The following HHAT variants were observed in gnomAD, a reference collection of about 807,000 sequenced individuals.
The protein encoded by HHAT is hedgehog acyltransferase.
HHAT carries 47 observed loss-of-function variants against 70.8 expected under a neutral mutation model. The observed-to-expected ratio is 0.66, with a 90% CI of 0.53 to 0.85. The LOEUF (loss-of-function observed/expected upper bound fraction) is 0.85. Among genes scored for constraint, HHAT ranks in the 40% least tolerant of loss-of-function variants. The pLI, the probability that HHAT is intolerant of heterozygous loss-of-function variation, is 0.00. For synonymous variants in HHAT, 228 were observed against 247.6 expected (o/e 0.92, Z 0.74); for missense variants, 609 against 604.8 (o/e 1.01, Z -0.07).
At chr1:210,337,245 C>T (rs1028180382) in intron 1 of HHAT, among the ~76,000 whole-genome samples, 6 of 152,124 alleles carry the variant, frequency 3.9e-5, no homozygotes, top group African/African-American at 1.4e-4. Flanking sequence ...AAAAACTTTT[C>T]TTCCAATTTA....
At chr1:210,530,096 T>C (rs1465110632) in intron 9 of HHAT, among the ~76,000 whole-genome samples, 1 of 152,190 alleles carries the variant, frequency 6.6e-6, no homozygotes, top group Non-Finnish European at 1.5e-5. Flanking sequence ...ATGTTTCTGC[T>C]ATGATGCAGG....
At chr1:210,479,417 T>C (rs1572723560) in intron 8 of HHAT, among the ~76,000 whole-genome samples, 1 of 152,222 alleles carries the variant, frequency 6.6e-6, no homozygotes, top group Admixed American at 6.5e-5. Flanking sequence ...TGAGTCTCCA[T>C]AGCCCCTGAA....
At chr1:210,581,448 GA>G (rs1411899678) in intron 9 of HHAT, among the ~76,000 whole-genome samples, 2 of 152,208 alleles carry the variant, frequency 1.3e-5, no homozygotes, top group Non-Finnish European at 2.9e-5. Flanking sequence ...GCTCTGTAGA[GA>G]AGAGAAACCT....
chr1:210,531,943 G>A (rs775360201), intron 9 of HHAT, among the ~76,000 whole-genome samples: 1 of 152,162 alleles, frequency 6.6e-6, no homozygotes, highest in Non-Finnish European at 1.5e-5. Flanking sequence ...TGATTCCTGG[G>A]TACTTGCAAG....
intron 9 of HHAT, among the ~76,000 whole-genome samples, chr1:210,582,605 G>T (rs1045731687): frequency 2.6e-5 from 4 of 152,142 alleles, no homozygotes; most frequent in Admixed American, 6.5e-5. Flanking sequence ...CCACTGTAGG[G>T]CGTATATTTG....
At chr1:210,380,759 A>G (rs1285899019) in intron 3 of HHAT, among the ~76,000 whole-genome samples, 1 of 151,974 alleles carries the variant, frequency 6.6e-6, no homozygotes, top group Non-Finnish European at 1.5e-5. Flanking sequence ...GGTTTTTCCA[A>G]ATAGAGGGAG....
At chr1:210,557,694 T>C (rs2095585214) in intron 9 of HHAT, among the ~76,000 whole-genome samples, 1 of 152,148 alleles carries the variant, frequency 6.6e-6, no homozygotes, top group South Asian at 2.1e-4. Flanking sequence ...TCAGATCTCA[T>C]GAGACTTATT....
intron 9 of HHAT, among the ~76,000 whole-genome samples, chr1:210,546,452 G>T (rs1481929874): frequency 6.6e-6 from 1 of 152,214 alleles, no homozygotes; most frequent in South Asian, 2.1e-4. Flanking sequence ...GGAGGAAGCA[G>T]CTGGCACAGA....
chr1:210,481,925 TGTGCCCAAA>T (rs1483538627), intron 8 of HHAT, among the ~76,000 whole-genome samples: 1 of 152,120 alleles, frequency 6.6e-6, no homozygotes, highest in Non-Finnish European at 1.5e-5. Flanking sequence ...GTGCCAGAAG[TGTGCCCAAA>T]GTGCTCAAGG....
intron 11 of HHAT, among the ~76,000 whole-genome samples, chr1:210,637,601 C>A (rs1672117177): frequency 6.6e-6 from 1 of 152,266 alleles, no homozygotes; most frequent in South Asian, 2.1e-4. Flanking sequence ...GTGGCTCACA[C>A]CTCTAATCCC....
At chr1:210,523,412 C>A (rs2095191713) in intron 9 of HHAT, among the ~76,000 whole-genome samples, 1 of 152,150 alleles carries the variant, frequency 6.6e-6, no homozygotes, top group African/African-American at 2.4e-5. Context: ...CTCTCTCTAC[C>A]TCGATAACAC....
At chr1:210,504,956 G>A (rs1242304109) in intron 8 of HHAT, among the ~76,000 whole-genome samples, 2 of 143,512 alleles carry the variant, frequency 1.4e-5, no homozygotes, top group Non-Finnish European at 3.0e-5. Context: ...AGGCTGGAGT[G>A]CAGTGGTGTG....
At chr1:210,337,427 A>G (rs2085600871) in intron 1 of HHAT, among the ~76,000 whole-genome samples, 1 of 152,200 alleles carries the variant, frequency 6.6e-6, no homozygotes, top group African/African-American at 2.4e-5. Flanking sequence ...TTCAAAAAAC[A>G]CACATTTATT....
At chr1:210,348,094 A>G (rs2086675620) in intron 1 of HHAT, among the ~76,000 whole-genome samples, 1 of 152,172 alleles carries the variant, frequency 6.6e-6, no homozygotes, top group East Asian at 1.9e-4. Context: ...AAATGTACAG[A>G]TGAGGCCTGG....
intron 2 of HHAT, among the ~76,000 whole-genome samples, chr1:210,362,472 G>T (rs1324314455): frequency 6.6e-6 from 1 of 152,142 alleles, no homozygotes; most frequent in African/African-American, 2.4e-5. Flanking sequence ...TAATCCGCCC[G>T]TCTTGGCCTC....
At chr1:210,634,850 C>T (rs1671563957) in intron 11 of HHAT, among the ~76,000 whole-genome samples, 1 of 152,136 alleles carries the variant, frequency 6.6e-6, no homozygotes, top group African/African-American at 2.4e-5. Context: ...AGCAAAAGTA[C>T]ATGGCAAGGA....
intron 8 of HHAT, among the ~76,000 whole-genome samples, chr1:210,469,798 A>G (rs2094169081): frequency 6.6e-6 from 1 of 151,966 alleles, no homozygotes; most frequent in Admixed American, 6.6e-5. Flanking sequence ...CTTCCCAAGT[A>G]GCTGTGACCA....
chr1:210,492,515 C>T (rs778748730), intron 8 of HHAT, among the ~76,000 whole-genome samples: 1 of 152,018 alleles, frequency 6.6e-6, no homozygotes, highest in African/African-American at 2.4e-5. Context: ...ATGTGTCTAA[C>T]GTGGTTGTAA....
chr1:210,476,327 T>G (rs1294939413), intron 8 of HHAT, among the ~76,000 whole-genome samples: 5 of 152,264 alleles, frequency 3.3e-5, no homozygotes, highest in Admixed American at 3.3e-4. Context: ...GCTTACCTAA[T>G]GAATAAGATG....
Sources: gnomAD v4.1 joint callset for allele counts (sites outside exome capture counted in the v4.1 genomes callset) on GRCh38, gnomAD v4.1.1 for gene constraint, MANE v1.5 for transcripts, NCBI Gene and HGNC (gene_info 2026-07-23, HGNC 2026-07-21) for gene names.